Variants in SOS1 observed in about 807,000 individuals in gnomAD.
The protein encoded by SOS1 is son of sevenless homolog 1.
Under a neutral mutation model 157.6 loss-of-function variants are expected in SOS1, and 25 were observed. That is an observed-to-expected ratio of 0.16 (90% CI 0.12 to 0.22). The LOEUF (loss-of-function observed/expected upper bound fraction) is 0.22. Among genes scored for constraint, SOS1 ranks in the 10% least tolerant of loss-of-function variants. The probability of loss-of-function intolerance (pLI) is 1.00; values close to 1 mark genes in which losing one functional copy is unlikely to be tolerated. For missense variants in SOS1, 1,237 were observed against 1,599.1 expected (o/e 0.77, Z 3.86); for synonymous variants, 528 against 534.0 (o/e 0.99, Z 0.16).
chr2:39,052,298 A>T (rs1334054465), intron 5 of SOS1, among the ~76,000 whole-genome samples: 1 of 152,182 alleles, frequency 6.6e-6, no homozygotes, highest in Non-Finnish European at 1.5e-5. Context: ...ATCAGTGACT[A>T]TATTTATCAA....
intron 2 of SOS1, among the ~76,000 whole-genome samples, 188 bp from the exon 3 acceptor site, chr2:39,058,992 TAA>T (rs1336885719): frequency 2.6e-5 from 4 of 152,090 alleles, no homozygotes; most frequent in African/African-American, 9.6e-5. Context: ...AATTAGACAA[TAA>T]GAGACTAAAC....
intron 6 of SOS1, among the ~76,000 whole-genome samples, chr2:39,048,067 T>C (rs1239122748): frequency 6.6e-6 from 1 of 152,214 alleles, no homozygotes; most frequent in Non-Finnish European, 1.5e-5. Context: ...TCTATTAATT[T>C]TGTCTTTTGA....
chr2:39,027,112 C>A (rs1232447791), intron 8 of SOS1, among the ~76,000 whole-genome samples: 1 of 152,110 alleles, frequency 6.6e-6, no homozygotes, highest in African/African-American at 2.4e-5. Context: ...GAATATTGAG[C>A]ATTTGATATT....
At chr2:38,995,525 A>C (rs1668866203) in intron 19 of SOS1, 138 bp from the exon 20 acceptor site, 1 of 681,642 alleles carries the variant, frequency 1.5e-6, no homozygotes, top group Admixed American at 2.5e-5. Context: ...ATTCAAATAA[A>C]AGTAGAACAT....
chr2:39,091,590 GA>G lies in SOS1; in HGVS notation c.88-23838del, dbSNP rs11413394. 3.1e-3 allele frequency among the ~76,000 whole-genome samples: 428 copies of G among 137,666 alleles called. 1 individual carries two copies. Among genetic ancestry groups the G allele is most frequent in the Middle Eastern group, 7.4e-3 (2 of 272 alleles). The allele number at this position is 137,666 out of a possible 152,430, so 90.3% of individuals were successfully genotyped here. A position where few individuals can be genotyped will look rare whatever the true frequency, so the allele number is the denominator to read the frequency against. On this transcript the variant is annotated intron_variant, in intron 1 of 22. Transcript: ENST00000402219. ...CTCCTATTGGCATATAAAAGAACTC[GA>G]AAAAAAAAAAAAAGTTTTCCTTGTC... is the stretch of plus-strand genomic sequence containing the variant.
chr2:39,108,366 T>C (rs1673283201), intron 1 of SOS1, among the ~76,000 whole-genome samples: 1 of 152,128 alleles, frequency 6.6e-6, no homozygotes, highest in South Asian at 2.1e-4. Flanking sequence ...AACCCTGCAG[T>C]TGCTCCCCAC....
intron 1 of SOS1, among the ~76,000 whole-genome samples, chr2:39,085,886 C>A (rs775216444): frequency 2.6e-5 from 4 of 152,142 alleles, no homozygotes; most frequent in Non-Finnish European, 5.9e-5. Context: ...AATAGGGGAA[C>A]TAGACATTAA....
rs138530223 is a variant in SOS1 at position 39,075,750 on chromosome 2, A to G, written c.88-7997T>C. On this transcript the variant is annotated intron_variant, in intron 1 of 22. Transcript: ENST00000402219. The stretch of plus-strand genomic sequence containing the variant: ...TCAAGAAAAAAGAGAAGGCACAAAT[A>G]CTACTGTATTATACACAAGAAGGAG... 3.9e-3 allele frequency among the ~76,000 whole-genome samples: 594 copies of G among 152,232 alleles called. 7 individuals are homozygous for G. The highest frequency in any genetic ancestry group is 0.014 in the African/African-American group (563 of 41,572).
At chr2:39,000,701 A>G (rs1158435239) in intron 17 of SOS1, among the ~76,000 whole-genome samples, 1 of 152,224 alleles carries the variant, frequency 6.6e-6, no homozygotes, top group Admixed American at 6.5e-5. Context: ...CTTACTACAC[A>G]GTGCTGTGAC....
At chr2:39,077,294 A>C (rs959542462) in intron 1 of SOS1, among the ~76,000 whole-genome samples, 1 of 150,408 alleles carries the variant, frequency 6.6e-6, no homozygotes, top group African/African-American at 2.5e-5. Context: ...GTGAGCCGAG[A>C]TCGTGCCAGA....
Position 38,995,227 on chromosome 2 carries a change from T to G in SOS1, c.3242A>C (p.Asn1081Thr), listed in dbSNP as rs992722303. 12 of 1,614,040 alleles carry G rather than the reference T, an allele frequency of 7.4e-6. No individual in the cohort carries two copies. The highest frequency in any genetic ancestry group is 1.0e-5 in the Non-Finnish European group (12 of 1,179,948). ...AGGTGTTAACGGTGTTCTTGGAGAA[T>G]TTGGTGCAGATGCTGTACTTTCTGT... ...SETESTASAP[N>T]SPRTPLTPPP... Residue 1081 changes from asparagine (N) to threonine (T), a missense_variant, in exon 20 of 23, where the codon AAT (asparagine) becomes ACT (threonine). Asn to Thr is a moderately conservative substitution (Grantham distance 65, BLOSUM62 0). Transcript: ENST00000402219.
At chr2:38,993,451 A>G (rs902750020) in intron 20 of SOS1, 6 of 152,248 alleles carry the variant, frequency 3.9e-5, no homozygotes, top group Admixed American at 3.3e-4. Context: ...GTGAGACACC[A>G]TGCCCAGCCC....
intron 2 of SOS1, among the ~76,000 whole-genome samples, chr2:39,064,906 C>G (rs1318036971): frequency 6.6e-6 from 1 of 150,938 alleles, no homozygotes; most frequent in Non-Finnish European, 1.5e-5. Context: ...TGCCACCATG[C>G]CCAGCTAATT....
intron 14 of SOS1, 88 bp from the exon 15 acceptor site, chr2:39,010,791 A>G (rs951231244): frequency 9.4e-7 from 1 of 1,066,140 alleles, no homozygotes; most frequent in Admixed American, 1.8e-5. Flanking sequence ...AATAAAAACT[A>G]AACTCTCATA....
intron 14 of SOS1, among the ~76,000 whole-genome samples, chr2:39,010,919 G>C (rs1669446263): frequency 7.1e-6 from 1 of 140,460 alleles, no homozygotes; most frequent in Non-Finnish European, 1.5e-5. Flanking sequence ...TTTTGAGATG[G>C]AGTTCCACTC....
intron 17 of SOS1, among the ~76,000 whole-genome samples, chr2:39,004,764 G>A (rs1367512023): frequency 6.6e-6 from 1 of 151,078 alleles, no homozygotes; most frequent in East Asian, 1.9e-4. Context: ...TGGACAAGAG[G>A]AAATACAAAT....
intron 6 of SOS1, among the ~76,000 whole-genome samples, chr2:39,037,018 GA>G (rs2124566110): frequency 6.6e-6 from 1 of 152,332 alleles, no homozygotes; most frequent in East Asian, 1.9e-4. Context: ...CACCAGATCA[GA>G]AATCAGAAGA....
At chr2:39,119,049 G>A (rs1673765692) in intron 1 of SOS1, among the ~76,000 whole-genome samples, 1 of 151,992 alleles carries the variant, frequency 6.6e-6, no homozygotes. Flanking sequence ...TACTCTATCC[G>A]GACACCAGCT....
intron 10 of SOS1, among the ~76,000 whole-genome samples, chr2:39,017,470 C>A (rs1038284291): frequency 6.6e-6 from 1 of 151,986 alleles, no homozygotes; most frequent in Non-Finnish European, 1.5e-5. Context: ...AACAGCTGTA[C>A]CTTCCTGTAT....
Sources: allele counts gnomAD v4.1 joint callset (sites outside exome capture counted in the v4.1 genomes callset), GRCh38; gene constraint gnomAD v4.1.1; transcripts MANE v1.5; gene names NCBI Gene and HGNC (gene_info 2026-07-23, HGNC 2026-07-21).